HPSE: variants seen among roughly 807,000 people sequenced by gnomAD.
The protein encoded by HPSE is endo-glucoronidase.
In HPSE, 48 loss-of-function variants were observed where a neutral mutation model predicts 65.1. That is an observed-to-expected ratio of 0.74 (90% CI 0.58 to 0.94). The LOEUF is 0.94. Among genes scored for constraint, HPSE ranks in the 40% least tolerant of loss-of-function variants. The probability of loss-of-function intolerance (pLI) is 0.00; values close to 1 mark genes in which losing one functional copy is unlikely to be tolerated. For synonymous variants in HPSE, 243 were observed against 260.0 expected, an observed-to-expected ratio of 0.93 and a Z score of 0.63; for missense variants, 644 against 637.5, an observed-to-expected ratio of 1.01 and a Z score of -0.11.
intron 11 of HPSE, among the ~76,000 whole-genome samples, chr4:83,298,245 G>A (rs1735803908): frequency 6.6e-6 from 1 of 152,208 alleles, no homozygotes; most frequent in Non-Finnish European, 1.5e-5. Flanking sequence ...CAGATGAAAT[G>A]AAGCTGGAAG....
At chr4:83,300,373 T>C (rs1735893060) in intron 11 of HPSE, among the ~76,000 whole-genome samples, 1 of 152,218 alleles carries the variant, frequency 6.6e-6, no homozygotes. Context: ...TACCAAGAAT[T>C]ATGTCTTTTT....
chr4:83,334,612 C>A lies in HPSE; in HGVS notation c.171G>T (p.Leu57=), dbSNP rs1218461662. 1.9e-6 allele frequency: 3 copies of A among 1,593,594 alleles called. No homozygotes were observed. In the South Asian group the frequency reaches 3.4e-5, roughly 18 times the overall value. Residue 57 remains leucine, a synonymous_variant, in exon 1 of 12, where the codon CTG becomes CTT. Transcript: ENST00000311412. Reference sequence around the variant, plus strand: ...CCAGGTTGGCGTCAATGGTGACGGACAGGAACGAGGGGCTCACCAGGTGCA... The same window carrying A: ...CCAGGTTGGCGTCAATGGTGACGGAAAGGAACGAGGGGCTCACCAGGTGCA... ...EPLHLVSPSF[L]SVTIDANLAT...
upstream of HPSE, chr4:83,334,991 C>T (rs1737562940): frequency 5.4e-6 from 4 of 734,798 alleles, no homozygotes; most frequent in South Asian, 2.2e-5. Context: ...CCCGCCTGCC[C>T]GGCTCTCTCC....
chr4:83,309,323 T>C (rs1163418550), intron 7 of HPSE, 79 bp downstream of exon 7: 2 of 751,772 alleles, frequency 2.7e-6, no homozygotes, highest in Admixed American at 2.6e-5. Context: ...TAAATATACA[T>C]ACCTATAGAA....
At chr4:83,316,330 T>C (rs1736634784) in intron 3 of HPSE, among the ~76,000 whole-genome samples, 1 of 116,874 alleles carries the variant, frequency 8.6e-6, no homozygotes, top group Non-Finnish European at 1.8e-5. Context: ...TCTGGCCACA[T>C]CTACTTTAAA....
chr4:83,312,580 A>T (rs1736432469), intron 4 of HPSE, among the ~76,000 whole-genome samples: 1 of 150,148 alleles, frequency 6.7e-6, no homozygotes, highest in Admixed American at 6.7e-5. Context: ...CGGGAGGCTG[A>T]GGCAGGAGAA....
intron 2 of HPSE, among the ~76,000 whole-genome samples, chr4:83,320,587 GAA>G (rs1736853094): frequency 6.6e-6 from 1 of 151,244 alleles, no homozygotes; most frequent in Admixed American, 6.6e-5. Context: ...AAAGAAAAAA[GAA>G]AAATCCACAC....
intron 9 of HPSE, among the ~76,000 whole-genome samples, chr4:83,304,958 A>T (rs1011933120): frequency 1.3e-5 from 2 of 152,122 alleles, no homozygotes. Context: ...ACCTCTTCTC[A>T]ATTTGAACTT....
intron 9 of HPSE, among the ~76,000 whole-genome samples, chr4:83,305,238 G>A (rs1736106717): frequency 6.6e-6 from 1 of 152,220 alleles, no homozygotes; most frequent in Non-Finnish European, 1.5e-5. Context: ...AAGGTCAGGA[G>A]TAGATTTTGA....
intron 3 of HPSE, among the ~76,000 whole-genome samples, chr4:83,316,348 A>AC (rs55886747): frequency 0.72 from 105,864 of 147,770 alleles, 38,235 homozygotes; most frequent in East Asian, 0.85. Flanking sequence ...AAAAAAAAAA[A>AC]ACAAAAAAAA....
intron 10 of HPSE, among the ~76,000 whole-genome samples, chr4:83,301,627 G>A (rs528441267): frequency 8.2e-4 from 125 of 152,218 alleles, no homozygotes; most frequent in South Asian, 2.5e-3. Flanking sequence ...AGAGTTCCCA[G>A]TCACCAACAA....
At chr4:83,313,381 T>A in intron 3 of HPSE, 94 bp from the exon 4 acceptor site, 2 of 733,254 alleles carry the variant, frequency 2.7e-6, no homozygotes, top group Non-Finnish European at 4.3e-6. Flanking sequence ...TTTCTGTTGT[T>A]AAACTGAAGA....
chr4:83,322,792 TGTGTGTGTGTG>T (rs1560514369), intron 1 of HPSE, among the ~76,000 whole-genome samples: 81 of 114,934 alleles, frequency 7.0e-4, no homozygotes, highest in Non-Finnish European at 1.0e-3. Context: ...AGCTTGTTTG[TGTGTGTGTGTG>T]TGTGTGTGTG....
At chr4:83,314,680 A>T (rs559996604) in intron 3 of HPSE, among the ~76,000 whole-genome samples, 1 of 152,166 alleles carries the variant, frequency 6.6e-6, no homozygotes, top group South Asian at 2.1e-4. Flanking sequence ...AGTCCTTCCA[A>T]TTTTCATGTA....
At chr4:83,311,451 A>T (rs944908541) in intron 4 of HPSE, among the ~76,000 whole-genome samples, 2 of 152,206 alleles carry the variant, frequency 1.3e-5, no homozygotes, top group Admixed American at 1.3e-4. Flanking sequence ...AAACCAATGG[A>T]TATGGATATC....
At chr4:83,309,001 G>T in intron 7 of HPSE, 50 bp from the exon 8 acceptor site, 2 of 1,442,478 alleles carry the variant, frequency 1.4e-6, no homozygotes, top group Non-Finnish European at 9.8e-7. Context: ...CTGACCTGTG[G>T]TTTCAACTGT....
chr4:83,316,722 A>G (rs1266894523), intron 3 of HPSE, among the ~76,000 whole-genome samples: 4 of 152,246 alleles, frequency 2.6e-5, no homozygotes, highest in Admixed American at 2.0e-4. Flanking sequence ...CATCTGTAAC[A>G]CTGCTTCCTT....
At chr4:83,299,321 G>A (rs981549470) in intron 11 of HPSE, among the ~76,000 whole-genome samples, 2 of 126,720 alleles carry the variant, frequency 1.6e-5, no homozygotes, top group Non-Finnish European at 3.1e-5. Context: ...CCTAGATCAT[G>A]CCACTGCACT....
intron 11 of HPSE, among the ~76,000 whole-genome samples, chr4:83,300,145 G>A (rs1009103522): frequency 3.9e-5 from 6 of 152,136 alleles, no homozygotes; most frequent in South Asian, 2.1e-4. Flanking sequence ...ATTGAATACA[G>A]GCTTTTATAA....
Sources: allele counts gnomAD v4.1 joint callset (sites outside exome capture counted in the v4.1 genomes callset), GRCh38; gene constraint gnomAD v4.1.1; transcripts MANE v1.5; gene names NCBI Gene and HGNC (gene_info 2026-07-23, HGNC 2026-07-21).